UBXN2A: variants seen among roughly 807,000 people sequenced by gnomAD.
UBXN2A encodes the protein UBX domain protein 2A, also known as UBX domain-containing protein 2A.
UBXN2A carries 28 observed loss-of-function variants against 28.4 expected under a neutral mutation model. The ratio of observed to expected loss-of-function variants is 0.99; its 90% CI spans 0.73 to 1.35. The LOEUF is 1.35. Ranked by LOEUF, UBXN2A falls within the 40% of genes most tolerant of loss-of-function variation. The pLI, the probability that UBXN2A is intolerant of heterozygous loss-of-function variation, is 0.00. For synonymous variants in UBXN2A, 97 were observed against 103.6 expected, an observed-to-expected ratio of 0.94 and a Z score of 0.39; for missense variants, 253 against 297.9, an observed-to-expected ratio of 0.85 and a Z score of 1.11.
chr2:23,982,627 A>G (rs1707959124), intron 4 of UBXN2A, among the ~76,000 whole-genome samples: 1 of 152,134 alleles, frequency 6.6e-6, no homozygotes. Flanking sequence ...GTCTCTACAG[A>G]AAATTTAAAA....
chr2:23,988,588 A>G (rs1216912627), intron 6 of UBXN2A, among the ~76,000 whole-genome samples: 3 of 152,180 alleles, frequency 2.0e-5, no homozygotes, highest in South Asian at 2.1e-4. Flanking sequence ...CATCATTTAC[A>G]TTTGTCCCAT....
At chr2:23,976,302 G>A (rs534181527) in intron 3 of UBXN2A, among the ~76,000 whole-genome samples, 64 of 152,208 alleles carry the variant, frequency 4.2e-4, no homozygotes, top group African/African-American at 1.5e-3. Context: ...TGTCGACTAG[G>A]GGAGCTCTAC....
intron 2 of UBXN2A, among the ~76,000 whole-genome samples, chr2:23,958,995 T>G (rs965666133): frequency 6.6e-6 from 1 of 152,074 alleles, no homozygotes. Flanking sequence ...CTTACACCAC[T>G]GCCTCCAGTT....
intron 1 of UBXN2A, among the ~76,000 whole-genome samples, chr2:23,952,248 T>TGAGC (rs1198002867): frequency 2.6e-5 from 4 of 151,678 alleles, no homozygotes; most frequent in African/African-American, 9.7e-5. Flanking sequence ...ATTACAGGCG[T>TGAGC]GAGCCATCAC....
rs564655073 is a variant in UBXN2A at position 23,974,355 on chromosome 2, T to G, written c.181-2614T>G. ...TTTTTATTTAACCAACTTTTTTTTT[T>G]TTTATTTTGAGACGGACTCTCGCTC... On this transcript the variant is annotated intron_variant, in intron 3 of 6. Coordinates refer to ENST00000309033, the MANE Select transcript of UBXN2A (RefSeq NM_181713.4). 1.6e-3 allele frequency among the ~76,000 whole-genome samples: 237 copies of G among 144,788 alleles called. 2 individuals carry two copies. The highest frequency in any genetic ancestry group is 5.8e-3 in the African/African-American group (227 of 38,950). The allele number at this position is 144,788 out of a possible 152,430, so 95.0% of individuals were successfully genotyped here. A position where few individuals can be genotyped will look rare whatever the true frequency, so the allele number is the denominator to read the frequency against.
At chr2:23,960,040 C>G (rs113894838) in intron 2 of UBXN2A, among the ~76,000 whole-genome samples, 9,812 of 151,968 alleles carry the variant, frequency 0.065, 405 homozygotes, top group African/African-American at 0.12. Context: ...ATCACGAAGT[C>G]AGGAGATCGA....
intron 3 of UBXN2A, among the ~76,000 whole-genome samples, chr2:23,973,603 G>T (rs1034154653): frequency 6.6e-6 from 1 of 150,674 alleles, no homozygotes; most frequent in Non-Finnish European, 1.5e-5. Flanking sequence ...CTCCCAAAGA[G>T]TACTTGGATT....
chr2:23,941,831 G>A (rs1705772571), intron 1 of UBXN2A, among the ~76,000 whole-genome samples: 1 of 152,160 alleles, frequency 6.6e-6, no homozygotes, highest in African/African-American at 2.4e-5. Context: ...CCAGCACTTT[G>A]AAAGGCTGAG....
At chr2:23,949,143 G>A (rs1573540962) in intron 1 of UBXN2A, among the ~76,000 whole-genome samples, 1 of 93,270 alleles carries the variant, frequency 1.1e-5, no homozygotes, top group African/African-American at 4.1e-5. Flanking sequence ...TGTATTTTTA[G>A]TAGAGACGGA....
At chr2:23,965,533 T>G (rs1707126208) in intron 2 of UBXN2A, among the ~76,000 whole-genome samples, 1 of 152,232 alleles carries the variant, frequency 6.6e-6, no homozygotes, top group Admixed American at 6.5e-5. Flanking sequence ...TTTTCAGTGT[T>G]AAACCACTGC....
chr2:23,994,983 G>A (rs1214927068), intron 6 of UBXN2A, among the ~76,000 whole-genome samples: 1 of 152,212 alleles, frequency 6.6e-6, no homozygotes, highest in African/African-American at 2.4e-5. Flanking sequence ...CATTGGCAGA[G>A]CTTAAACTCT....
Position 24,003,798 on chromosome 2 carries a change from T to C in UBXN2A, c.*3931T>C, listed in dbSNP as rs1708758008. ...CTTTCTGATATAGAAAATAACAGGA[T>C]GACAGTTAATACATGTTCAGGAATC... On this transcript the variant is annotated 3_prime_UTR_variant, in exon 7 of 7. Coordinates refer to ENST00000309033, the MANE Select transcript of UBXN2A (RefSeq NM_181713.4). The C allele has an allele frequency of 6.6e-6, 1 of 150,938 alleles. No individual in the cohort carries two copies. The highest frequency in any genetic ancestry group is 6.6e-5 in the Admixed American group (1 of 15,154). 9.3% of individuals were successfully genotyped at this position (150,938 alleles called of 1,614,324 possible). A position where few individuals can be genotyped will look rare whatever the true frequency, so the allele number is the denominator to read the frequency against.
At chr2:23,937,153 C>T (rs922456144), upstream of UBXN2A, among the ~76,000 whole-genome samples, 3 of 152,302 alleles carry the variant, frequency 2.0e-5, no homozygotes, top group African/African-American at 2.4e-5. Context: ...AGCCACCACA[C>T]CCAGCCTCTT....
At chr2:23,948,241 T>TC (rs1706188436) in intron 1 of UBXN2A, among the ~76,000 whole-genome samples, 1 of 148,114 alleles carries the variant, frequency 6.8e-6, no homozygotes. Context: ...TGAAGATGTT[T>TC]CTTTTTCTTT....
intron 1 of UBXN2A, among the ~76,000 whole-genome samples, chr2:23,944,933 A>G (rs1440128190): frequency 6.6e-6 from 1 of 152,166 alleles, no homozygotes; most frequent in Non-Finnish European, 1.5e-5. Context: ...GAAAATATAT[A>G]GCTTTTGACC....
intron 2 of UBXN2A, among the ~76,000 whole-genome samples, chr2:23,961,779 G>A (rs1279775816): frequency 1.3e-5 from 2 of 149,436 alleles, no homozygotes; most frequent in East Asian, 3.9e-4. Context: ...ATCTCTTGAC[G>A]TCATGATCTG....
rs540933857 is a variant in UBXN2A, at chr2:23,953,759, G to A, written c.-14-4542G>A. Among the ~76,000 whole-genome samples the A allele has an allele frequency of 9.2e-5, 14 of 152,246 alleles. No homozygotes were observed. In the South Asian group the frequency reaches 2.7e-3, roughly 29 times the overall value. ...AAGAATTTCCCACATTCTGGACTTT[G>A]TTGATTGCATTCTTGTGATATCATC... On this transcript the variant is annotated intron_variant, in intron 1 of 6. Transcript: ENST00000309033.
chr2:23,927,641 G>A (rs1465770833), intron 1 of UBXN2A: 1 of 127,276 alleles, frequency 7.9e-6, no homozygotes, highest in African/African-American at 2.7e-5. Flanking sequence ...GAAGGGGGGG[G>A]GGAAACACCA....
chr2:23,927,631 G>GA (rs1705097692), intron 1 of UBXN2A: 1 of 88,024 alleles, frequency 1.1e-5, no homozygotes, highest in African/African-American at 3.5e-5. Flanking sequence ...CTTAAGAAGA[G>GA]AAGGGGGGGG....
Sources: allele counts gnomAD v4.1 joint callset (sites outside exome capture counted in the v4.1 genomes callset), GRCh38; gene constraint gnomAD v4.1.1; transcripts MANE v1.5; gene names NCBI Gene and HGNC (gene_info 2026-07-23, HGNC 2026-07-21).